CWC27: variants seen among roughly 807,000 people sequenced by gnomAD.
CWC27 encodes CWC27 spliceosome associated cyclophilin, also known as spliceosome-associated protein CWC27 homolog.
CWC27 carries 47 observed loss-of-function variants against 63.6 expected under a neutral mutation model. The observed-to-expected ratio is 0.74, with a 90% CI of 0.58 to 0.94. CWC27 has a LOEUF of 0.94. Ranked by LOEUF, CWC27 falls within the 40% of genes least tolerant of loss-of-function variation. The pLI is 0.00. For synonymous variants in CWC27, 175 were observed against 179.8 expected, an observed-to-expected ratio of 0.97 and a Z score of 0.22; for missense variants, 495 against 554.3, an observed-to-expected ratio of 0.89 and a Z score of 1.07.
rs547838426 is a variant in CWC27, at chr5:64,782,321, G to A, written c.252+288G>A. Among the ~76,000 whole-genome samples, 11 of 152,138 alleles carry A rather than the reference G, an allele frequency of 7.2e-5. No homozygotes were observed. The South Asian group carries it at 8.3e-4, about 11-fold the overall frequency. ...AAATTAGCCAGGCATGGTGGCACAC[G>A]CCTGTATTCCCAGCTACTCAGGAGG... On this transcript the variant is annotated intron_variant, in intron 3 of 13. Transcript: ENST00000381070.
chr5:64,791,153 A>T (rs1744066771), intron 7 of CWC27, among the ~76,000 whole-genome samples: 1 of 149,218 alleles, frequency 6.7e-6, no homozygotes, highest in South Asian at 2.2e-4. Context: ...AGCCTTGGAG[A>T]GCAAGGGCAG....
rs528804573 is a variant in CWC27, at chr5:64,783,784, A to G, written c.253-52A>G. Reference sequence around the variant, plus strand: ...CTTGCAGGTCAAGTTGAATAACTGCATATGAAGGGTCTTATAACTGAGGAC... The same window carrying G: ...CTTGCAGGTCAAGTTGAATAACTGCGTATGAAGGGTCTTATAACTGAGGAC... On this transcript the variant is annotated intron_variant, in intron 3 of 13. Transcript: ENST00000381070. The G allele has an allele frequency of 1.7e-4, 236 of 1,423,180 alleles. 1 individual carries two copies. In the South Asian group the frequency reaches 2.8e-3, roughly 17 times the overall value. 88.2% of individuals were successfully genotyped at this position (1,423,180 alleles called of 1,614,324 possible). A position where few individuals can be genotyped will look rare whatever the true frequency, so the allele number is the denominator to read the frequency against.
At chr5:64,941,728 G>A (rs865955732) in intron 11 of CWC27, among the ~76,000 whole-genome samples, 234 of 152,074 alleles carry the variant, frequency 1.5e-3, no homozygotes, top group African/African-American at 5.6e-3. Flanking sequence ...ATTGCTAAAT[G>A]TAAAATCTTA....
intron 9 of CWC27, among the ~76,000 whole-genome samples, chr5:64,803,640 AGTATTT>A (rs963951148): frequency 5.3e-5 from 8 of 152,268 alleles, no homozygotes; most frequent in Non-Finnish European, 1.0e-4. Context: ...TCTGGAATAG[AGTATTT>A]GTTTCAGGCT....
At chr5:64,935,229 G>T (rs1009404239) in intron 11 of CWC27, among the ~76,000 whole-genome samples, 1 of 152,170 alleles carries the variant, frequency 6.6e-6, no homozygotes, top group African/African-American at 2.4e-5. Context: ...GGGTTTTATG[G>T]TCCTAGGTTT....
intron 10 of CWC27, chr5:64,807,766 A>G: frequency 2.6e-6 from 4 of 1,535,720 alleles, no homozygotes; most frequent in Non-Finnish European, 3.5e-6. Flanking sequence ...CTTCAAACTC[A>G]CTCAACGGAT....
chr5:64,923,078 A>G (rs1333474195), intron 11 of CWC27, among the ~76,000 whole-genome samples: 2 of 152,144 alleles, frequency 1.3e-5, no homozygotes, highest in Non-Finnish European at 2.9e-5. Context: ...GAGGTGCCAC[A>G]GGTAGGAGGT....
intron 7 of CWC27, among the ~76,000 whole-genome samples, chr5:64,790,322 C>A (rs140652620): frequency 1.3e-5 from 2 of 152,216 alleles, no homozygotes; most frequent in East Asian, 3.9e-4. Flanking sequence ...TTAACGTCAC[C>A]AATCACTCTG....
intron 7 of CWC27, among the ~76,000 whole-genome samples, chr5:64,796,660 CT>C (rs1351427651): frequency 1.3e-5 from 2 of 152,070 alleles, no homozygotes; most frequent in Non-Finnish European, 2.9e-5. Flanking sequence ...GCCAAGTTGA[CT>C]CATAAAATTA....
intron 8 of CWC27, among the ~76,000 whole-genome samples, chr5:64,800,542 T>C (rs573847620): frequency 3.9e-5 from 6 of 152,348 alleles, no homozygotes; most frequent in African/African-American, 1.2e-4. Context: ...CTACCTCTGT[T>C]GAATGAATTA....
intron 10 of CWC27, among the ~76,000 whole-genome samples, chr5:64,877,554 G>T (rs1475023111): frequency 6.6e-6 from 1 of 151,928 alleles, no homozygotes; most frequent in Non-Finnish European, 1.5e-5. Context: ...CTAGAAGGGA[G>T]GACTTGAAAT....
intron 3 of CWC27, among the ~76,000 whole-genome samples, chr5:64,782,509 G>A (rs954839192): frequency 2.0e-5 from 3 of 146,798 alleles, no homozygotes; most frequent in Non-Finnish European, 4.5e-5. Context: ...CATTAATCAA[G>A]AACAGGTCAG....
intron 10 of CWC27, among the ~76,000 whole-genome samples, chr5:64,821,304 C>T (rs993036116): frequency 9.2e-5 from 14 of 152,010 alleles, no homozygotes; most frequent in African/African-American, 3.1e-4. Context: ...AGGATGGTCT[C>T]AATGTCTTGA....
chr5:64,978,026 C>T (rs1355150992), intron 13 of CWC27, among the ~76,000 whole-genome samples: 1 of 152,076 alleles, frequency 6.6e-6, no homozygotes, highest in Non-Finnish European at 1.5e-5. Context: ...TGTGCCATTA[C>T]CCCAACCCAG....
At chr5:64,938,063 G>T (rs1388637933) in intron 11 of CWC27, among the ~76,000 whole-genome samples, 1 of 150,782 alleles carries the variant, frequency 6.6e-6, no homozygotes, top group Admixed American at 6.7e-5. Context: ...TATCCAATTT[G>T]CCCATCTGTG....
chr5:64,790,581 T>G (rs994745766), intron 7 of CWC27, among the ~76,000 whole-genome samples: 2 of 152,066 alleles, frequency 1.3e-5, no homozygotes, highest in Non-Finnish European at 2.9e-5. Context: ...CCACCCCTGT[T>G]TTTCCTTTTG....
In CWC27 at chr5:64,789,792, T is replaced by C. The variant is rs905174131; in HGVS notation, c.669+772T>C. 3.9e-5 allele frequency among the ~76,000 whole-genome samples: 6 copies of C among 152,196 alleles called. No individual in the cohort carries two copies. The South Asian group carries it at 8.3e-4, about 21-fold the overall frequency. ...CTAAAGGTTCTGATATGCCTTTCTT[T>C]TTTGAAAATTAGTGAATACTGAGAA... On this transcript the variant is annotated intron_variant, in intron 7 of 13. Transcript: ENST00000381070.
At chr5:64,910,107 A>G (rs7715091) in intron 11 of CWC27, among the ~76,000 whole-genome samples, 14,542 of 151,794 alleles carry the variant, frequency 0.096, 2,130 homozygotes, top group African/African-American at 0.32. Flanking sequence ...TACAGATGGG[A>G]TTTTGGTGTG....
chr5:64,831,691 T>C (rs1248720513), intron 10 of CWC27, among the ~76,000 whole-genome samples: 1 of 151,916 alleles, frequency 6.6e-6, no homozygotes, highest in Non-Finnish European at 1.5e-5. Context: ...GTAACAAACC[T>C]GCTCATGTAC....
Sources: gnomAD v4.1 joint callset for allele counts (sites outside exome capture counted in the v4.1 genomes callset) on GRCh38, gnomAD v4.1.1 for gene constraint, MANE v1.5 for transcripts, NCBI Gene and HGNC (gene_info 2026-07-23, HGNC 2026-07-21) for gene names.